ADCY9: variants seen among roughly 807,000 people sequenced by gnomAD.
ADCY9 encodes adenylate cyclase type 9.
In ADCY9, 50 loss-of-function variants were observed where a neutral mutation model predicts 101.5. That is an observed-to-expected ratio of 0.49 (90% CI 0.39 to 0.62). ADCY9 has a LOEUF of 0.62. Ranked by LOEUF, ADCY9 falls within the 20% of genes least tolerant of loss-of-function variation. The pLI, the probability that ADCY9 is intolerant of heterozygous loss-of-function variation, is 0.00. For missense variants in ADCY9, 1,662 were observed against 1,800.4 expected (o/e 0.92, Z 1.39); for synonymous variants, 905 against 769.3 (o/e 1.18, Z -2.92).
At chr16:4,020,475 G>A (rs1323794521) in intron 2 of ADCY9, among the ~76,000 whole-genome samples, 1 of 152,072 alleles carries the variant, frequency 6.6e-6, no homozygotes, top group African/African-American at 2.4e-5. Context: ...ACATTTAGAC[G>A]CAAATACGAG....
At chr16:4,005,502 T>G (rs572034270) in intron 3 of ADCY9, among the ~76,000 whole-genome samples, 21 of 152,340 alleles carry the variant, frequency 1.4e-4, no homozygotes, top group African/African-American at 4.6e-4. Context: ...GCACCAGGAT[T>G]ACAGGCGTGA....
At chr16:4,097,501 C>CACACACACA (rs1555445955) in intron 2 of ADCY9, among the ~76,000 whole-genome samples, 1 of 105,512 alleles carries the variant, frequency 9.5e-6, no homozygotes, top group African/African-American at 3.6e-5. Context: ...CACACACACA[C>CACACACACA]TATATATATG....
intron 2 of ADCY9, among the ~76,000 whole-genome samples, chr16:4,024,024 C>CT (rs904072808): frequency 2.4e-4 from 36 of 148,606 alleles, no homozygotes; most frequent in Admixed American, 3.4e-4. Context: ...AATTTTTTAA[C>CT]TTTTTTTTTT....
chr16:4,060,735 A>G (rs767611), intron 2 of ADCY9, among the ~76,000 whole-genome samples: 1 of 152,236 alleles, frequency 6.6e-6, no homozygotes, highest in African/African-American at 2.4e-5. Context: ...ACAAACCTGC[A>G]TTTTGCCAAA....
chr16:3,992,136 CCA>C lies in ADCY9; in HGVS notation c.2207+8_2207+9del. ...AACCTTTGCTTTTTCCCAGACAGCC[CCA>C]GTCGTACCTGTCTTCTTTGATAACG... On this transcript the variant is annotated splice_region_variant and intron_variant, in intron 5 of 10. Transcript: ENST00000294016. This position sits in a 1 kb window ranked among gnomAD's most constrained non-coding sequence, Gnocchi z 4.2. 1 of 1,613,382 alleles carries C rather than the reference CCA, an allele frequency of 6.2e-7. No homozygotes were observed. The highest frequency in any genetic ancestry group is 8.5e-7 in the Non-Finnish European group (1 of 1,179,392).
intron 2 of ADCY9, among the ~76,000 whole-genome samples, chr16:4,013,292 C>T (rs931390302): frequency 3.3e-5 from 5 of 151,452 alleles, no homozygotes; most frequent in African/African-American, 7.3e-5. Flanking sequence ...TGGCGGCACA[C>T]GCCTGTAAAT....
chr16:4,078,347 A>G (rs1046097521), intron 2 of ADCY9, among the ~76,000 whole-genome samples: 4 of 152,136 alleles, frequency 2.6e-5, no homozygotes, highest in Non-Finnish European at 5.9e-5. Context: ...GGATTGCTTG[A>G]ACTCAGAAGT....
intron 5 of ADCY9, among the ~76,000 whole-genome samples, chr16:3,956,715 G>A (rs550904979): frequency 1.3e-5 from 2 of 149,784 alleles, no homozygotes; most frequent in Non-Finnish European, 3.0e-5. Flanking sequence ...GGCTGGACTC[G>A]AACTGCTGAC....
In ADCY9 at chr16:3,975,674, A is replaced by G. The variant is rs2056087200; in HGVS notation, c.2829-964T>C. Among the ~76,000 whole-genome samples the G allele has an allele frequency of 7.9e-5, 12 of 152,354 alleles. No individual in the cohort carries two copies. In the South Asian group the frequency reaches 2.5e-3, roughly 32 times the overall value. Reference sequence around the variant, plus strand: ...GTTAGATCTCCTGCAAGGACAAGGAAGAAATGTCCCATGTGACTTTAAAAC... The same window carrying G: ...GTTAGATCTCCTGCAAGGACAAGGAGGAAATGTCCCATGTGACTTTAAAAC... On this transcript the variant is annotated intron_variant, in intron 9 of 10. Transcript: ENST00000294016.
At position 4,114,207 on chromosome 16, in the gene ADCY9, G is replaced by A. The variant is rs73492586; in HGVS notation, c.1236C>T (p.Ala412=). Residue 412 remains alanine (A), a synonymous_variant, in exon 2 of 11, where the codon GCC becomes GCT. Transcript: ENST00000294016. The surrounding 1 kb of genome is among the most constrained non-coding windows in gnomAD (Gnocchi z 4.3). ...GFTKMSANKS[A]HALVGLLNDL... is the part of the protein sequence containing the mutation. ...CGTTCAGGAGACCCACCAGGGCGTG[G>A]GCAGACTTGTTGGCACTCATCTTGG... The A allele has an allele frequency of 1.1e-3, 1,739 of 1,613,942 alleles. 9 individuals are homozygous for A. In the African/African-American group the frequency reaches 0.018, roughly 17 times the overall value.
intron 10 of ADCY9, among the ~76,000 whole-genome samples, chr16:3,970,452 G>A (rs763879844): frequency 7.2e-5 from 11 of 152,022 alleles, no homozygotes; most frequent in South Asian, 2.1e-4. Context: ...TCAGCCTCCC[G>A]AGTAGCTGGG....
chr16:4,016,954 G>A (rs1302600785), intron 2 of ADCY9, among the ~76,000 whole-genome samples: 2 of 152,196 alleles, frequency 1.3e-5, no homozygotes, highest in African/African-American at 2.4e-5. Context: ...ACACTTGAGA[G>A]GGTGAATTGC....
chr16:4,071,399 T>C (rs2056834030), intron 2 of ADCY9, among the ~76,000 whole-genome samples: 1 of 147,120 alleles, frequency 6.8e-6, no homozygotes. Flanking sequence ...TATCTGGCAT[T>C]GAGGCTTTTA....
At chr16:4,083,244 T>C (rs1484150346) in intron 2 of ADCY9, among the ~76,000 whole-genome samples, 2 of 152,228 alleles carry the variant, frequency 1.3e-5, no homozygotes, top group African/African-American at 4.8e-5. Context: ...GCTTATTTTA[T>C]CAAAACATAA....
At chr16:4,072,947 A>G (rs932737781) in intron 2 of ADCY9, among the ~76,000 whole-genome samples, 3 of 151,178 alleles carry the variant, frequency 2.0e-5, no homozygotes, top group Non-Finnish European at 4.4e-5. Context: ...TACTAAAAGA[A>G]TAAGTTGCAA....
chr16:4,009,042 C>A (rs1318247341), intron 2 of ADCY9, among the ~76,000 whole-genome samples: 2 of 152,162 alleles, frequency 1.3e-5, no homozygotes, highest in Non-Finnish European at 2.9e-5. Context: ...AATCCCGAAT[C>A]ATTTTATAAG....
At chr16:3,990,909 C>T (rs1367884945) in intron 5 of ADCY9, among the ~76,000 whole-genome samples, 1 of 152,238 alleles carries the variant, frequency 6.6e-6, no homozygotes, top group African/African-American at 2.4e-5. Context: ...AAGCGATTCT[C>T]CTACCTCAGC....
intron 2 of ADCY9, among the ~76,000 whole-genome samples, chr16:4,097,612 G>C (rs533971207): frequency 1.4e-5 from 2 of 141,616 alleles, no homozygotes. Flanking sequence ...GGAGTGCAGG[G>C]GCGCAATCTC....
intron 7 of ADCY9, chr16:3,982,537 T>C (rs2056152690): frequency 6.6e-6 from 1 of 152,280 alleles, no homozygotes; most frequent in African/African-American, 2.4e-5. Context: ...GGAGCCAGGC[T>C]GGTCCCGAGG....
Sources: allele counts gnomAD v4.1 joint callset (sites outside exome capture counted in the v4.1 genomes callset), GRCh38; gene constraint gnomAD v4.1.1; non-coding constraint Gnocchi (gnomAD v3.1); transcripts MANE v1.5; gene names NCBI Gene and HGNC (gene_info 2026-07-23, HGNC 2026-07-21).